The following SCFD2 variants were observed in gnomAD, a reference collection of about 807,000 sequenced individuals.
The protein encoded by SCFD2 is sec1 family domain-containing protein 2.
A neutral mutation model predicts 58.9 loss-of-function variants in SCFD2; 54 were observed. The observed-to-expected ratio is 0.92, with a 90% CI of 0.74 to 1.15. The LOEUF is 1.15. SCFD2 is among the 50% of genes most tolerant of loss of function. The pLI is 0.00. For synonymous variants in SCFD2, 321 were observed against 335.9 expected (o/e 0.96, Z 0.49); for missense variants, 805 against 836.6 (o/e 0.96, Z 0.47).
At chr4:52,878,717 GA>G (rs564941614) in intron 8 of SCFD2, among the ~76,000 whole-genome samples, 28 of 152,328 alleles carry the variant, frequency 1.8e-4, no homozygotes, top group Non-Finnish European at 3.7e-4. Flanking sequence ...TCAAACATGT[GA>G]TAGTGGACAA....
chr4:53,102,469 G>A (rs1724857444), intron 5 of SCFD2, among the ~76,000 whole-genome samples: 1 of 151,506 alleles, frequency 6.6e-6, no homozygotes, highest in Admixed American at 6.6e-5. Context: ...TAAATTAGAA[G>A]AAAATATTTG....
At chr4:52,984,022 G>A (rs984848941) in intron 5 of SCFD2, among the ~76,000 whole-genome samples, 1 of 152,150 alleles carries the variant, frequency 6.6e-6, no homozygotes. Flanking sequence ...AGTAAATAGG[G>A]TTATTAGTTT....
intron 5 of SCFD2, among the ~76,000 whole-genome samples, chr4:53,093,612 C>T (rs1724534102): frequency 6.6e-6 from 1 of 152,040 alleles, no homozygotes; most frequent in South Asian, 2.1e-4. Context: ...CTATAGAATA[C>T]CCATACAACA....
intron 4 of SCFD2, among the ~76,000 whole-genome samples, chr4:53,176,790 A>G (rs778074202): frequency 5.3e-5 from 8 of 152,072 alleles, no homozygotes; most frequent in Non-Finnish European, 8.8e-5. Flanking sequence ...CTCTACTAAA[A>G]ATACAAAAAC....
intron 5 of SCFD2, among the ~76,000 whole-genome samples, chr4:52,986,112 G>A (rs1162989003): frequency 1.3e-5 from 2 of 152,132 alleles, no homozygotes; most frequent in Non-Finnish European, 2.9e-5. Flanking sequence ...TGGGGCTGGA[G>A]GCTGGCTTCC....
At chr4:53,103,925 C>T (rs1259058118) in intron 5 of SCFD2, among the ~76,000 whole-genome samples, 1 of 139,048 alleles carries the variant, frequency 7.2e-6, no homozygotes, top group Non-Finnish European at 1.5e-5. Flanking sequence ...AAGAAAATGA[C>T]GTATTGGAGT....
At chr4:53,351,441 C>G (rs1045466416) in intron 2 of SCFD2, among the ~76,000 whole-genome samples, 1 of 152,194 alleles carries the variant, frequency 6.6e-6, no homozygotes, top group Non-Finnish European at 1.5e-5. Flanking sequence ...ATCTTAACTT[C>G]ATATCATTTC....
intron 5 of SCFD2, among the ~76,000 whole-genome samples, chr4:52,932,065 T>G (rs1436824196): frequency 6.6e-6 from 1 of 152,176 alleles, no homozygotes; most frequent in Non-Finnish European, 1.5e-5. Context: ...TTTCTGCTCT[T>G]TTCTGAATCT....
Position 53,093,366 on chromosome 4 carries a change from A to T in SCFD2, c.1561+51967T>A, listed in dbSNP as rs561004363. On this transcript the variant is annotated intron_variant, in intron 5 of 8. Transcript: ENST00000401642. The stretch of plus-strand genomic sequence containing the variant: ...TGTTAAGGCAAGAGTCTGAAGAAAC[A>T]GTATTGATGTGAGAGTAAATCAGTG... Among the ~76,000 whole-genome samples the T allele has an allele frequency of 3.2e-3, 494 of 152,314 alleles. 2 individuals carry two copies. The highest frequency in any genetic ancestry group is 4.0e-3 in the Non-Finnish European group (273 of 68,022).
chr4:53,027,622 G>T (rs934028541), intron 5 of SCFD2, among the ~76,000 whole-genome samples: 1 of 152,182 alleles, frequency 6.6e-6, no homozygotes, highest in African/African-American at 2.4e-5. Flanking sequence ...GGGACCAGGA[G>T]TTCGAGACCA....
At chr4:53,104,604 T>A (rs935261886) in intron 5 of SCFD2, among the ~76,000 whole-genome samples, 2 of 152,222 alleles carry the variant, frequency 1.3e-5, no homozygotes, top group African/African-American at 4.8e-5. Context: ...TGTACCATAC[T>A]AACGTAAGAT....
intron 4 of SCFD2, among the ~76,000 whole-genome samples, chr4:53,163,775 G>T (rs867887774): frequency 1.2e-4 from 18 of 152,110 alleles, no homozygotes; most frequent in Admixed American, 1.2e-3. Flanking sequence ...GAACCAAAGA[G>T]GAAGTGAGAT....
At chr4:52,938,992 C>CTG (rs1560487005) in intron 5 of SCFD2, among the ~76,000 whole-genome samples, 1 of 152,088 alleles carries the variant, frequency 6.6e-6, no homozygotes, top group African/African-American at 2.4e-5. Flanking sequence ...TCTAATTTAC[C>CTG]ACTCCCCCTT....
chr4:53,211,107 G>A (rs532904158), intron 4 of SCFD2, among the ~76,000 whole-genome samples: 2 of 152,044 alleles, frequency 1.3e-5, no homozygotes, highest in Admixed American at 6.5e-5. Context: ...GCCAGGCATG[G>A]TGGCACGCAC....
intron 5 of SCFD2, among the ~76,000 whole-genome samples, chr4:53,024,704 C>CTT (rs374465004): frequency 0.17 from 24,709 of 141,932 alleles, 3,921 homozygotes; most frequent in African/African-American, 0.43. Context: ...TGTCTCAGGC[C>CTT]TTTTTTTTTT....
chr4:52,953,408 A>G (rs1169669872), intron 5 of SCFD2, among the ~76,000 whole-genome samples: 1 of 152,218 alleles, frequency 6.6e-6, no homozygotes, highest in Non-Finnish European at 1.5e-5. Context: ...TATGTCTACA[A>G]GATAGACAAG....
At chr4:53,272,895 T>C (rs1252423970) in intron 4 of SCFD2, among the ~76,000 whole-genome samples, 1 of 152,162 alleles carries the variant, frequency 6.6e-6, no homozygotes, top group African/African-American at 2.4e-5. Flanking sequence ...GCAAGCTATT[T>C]AGGGATATTT....
intron 3 of SCFD2, among the ~76,000 whole-genome samples, chr4:53,278,528 C>CAAA (rs34375006): frequency 8.4e-6 from 1 of 119,392 alleles, no homozygotes; most frequent in Non-Finnish European, 1.8e-5. Context: ...GACTCCATCT[C>CAAA]AAAAAAAAAA....
Position 53,341,475 on chromosome 4 carries a change from G to A in SCFD2, c.1007+11123C>T, listed in dbSNP as rs553145045. Among the ~76,000 whole-genome samples the A allele has an allele frequency of 4.6e-5, 7 of 152,278 alleles. No individual in the cohort carries two copies. In the South Asian group the frequency reaches 1.2e-3, roughly 27 times the overall value. On this transcript the variant is annotated intron_variant, in intron 2 of 8. Coordinates refer to ENST00000401642, the MANE Select transcript of SCFD2 (RefSeq NM_152540.4). ...GACTATGTGAAAAGACCAAATCTAC[G>A]TCTGATTGGTGTACCTGAAAGTGAC...
Sources: allele counts gnomAD v4.1 joint callset (sites outside exome capture counted in the v4.1 genomes callset), GRCh38; gene constraint gnomAD v4.1.1; transcripts MANE v1.5; gene names NCBI Gene and HGNC (gene_info 2026-07-23, HGNC 2026-07-21).